NEB: variants seen among roughly 807,000 people sequenced by gnomAD.
The protein encoded by NEB is nebulin, also known as nemaline myopathy type 2.
NEB carries 512 observed loss-of-function variants against 952.2 expected under a neutral mutation model. That is an observed-to-expected ratio of 0.54 (90% CI 0.50 to 0.58). The LOEUF (loss-of-function observed/expected upper bound fraction) is 0.58, where lower values mean the gene tolerates loss of function less well. Among genes scored for constraint, NEB ranks in the 20% least tolerant of loss-of-function variants. The pLI is 0.00. For missense variants in NEB, 8,428 were observed against 9,231.1 expected (o/e 0.91, Z 3.56); for synonymous variants, 2,900 against 3,149.8 (o/e 0.92, Z 2.66).
chr2:151,727,193 G>A (rs1409313490), intron 5 of NEB, among the ~76,000 whole-genome samples: 1 of 152,164 alleles, frequency 6.6e-6, no homozygotes, highest in Non-Finnish European at 1.5e-5. Flanking sequence ...TTAAGGTATA[G>A]CCAAACATTC....
intron 35 of NEB, 137 bp from the exon 36 acceptor site, chr2:151,674,721 T>C: frequency 1.5e-6 from 1 of 649,512 alleles, no homozygotes; most frequent in Non-Finnish European, 2.7e-6. Context: ...ATTGGCAAAG[T>C]GTCACACTGT....
intron 169 of NEB, 77 bp downstream of exon 169, chr2:151,499,221 T>C (rs2062597087): frequency 2.6e-6 from 2 of 769,448 alleles, no homozygotes; most frequent in Non-Finnish European, 4.1e-6. Flanking sequence ...ATGAGTTGAT[T>C]AGATTTTTAA....
rs1434198576 is a variant in NEB at position 151,497,689 on chromosome 2, T to A, written c.24237A>T (p.Gly8079=). The change falls in exon 171 of 182, where the codon GGA becomes GGT. Residue 8079 remains glycine, a synonymous_variant. Coordinates refer to ENST00000397345, the MANE Select transcript of NEB (RefSeq NM_001164508.2). ...TCTCGGGAGTGACAGGTAAAGGGGT[T>A]CCCTTGCCCATGTTTTCTTTGTATA... The part of the protein sequence containing the change: ...SVLYKENMGK[G]TPLPVTPEME... The A allele has an allele frequency of 6.3e-7, 1 of 1,582,850 alleles. No homozygotes were observed.
intron 106 of NEB, 118 bp downstream of exon 106, chr2:151,576,029 ATTAC>A (rs1201581946): frequency 1.5e-5 from 12 of 778,196 alleles, no homozygotes; most frequent in South Asian, 4.9e-5. Flanking sequence ...ACAATACTGT[ATTAC>A]TTAATAAAAT....
At position 151,690,843 on chromosome 2, in the gene NEB, C is replaced by A. The variant is rs748829230; in HGVS notation, c.2212-18G>T. Reference sequence around the variant, plus strand: ...TAGGTATGCTAGAAAAGAAGATGTTCTTTAATGAAATATCAGTATATTCTT... The same window carrying A: ...TAGGTATGCTAGAAAAGAAGATGTTATTTAATGAAATATCAGTATATTCTT... On this transcript the variant is annotated intron_variant, in intron 23 of 181. Transcript: ENST00000397345. 9 of 1,512,044 alleles carry A rather than the reference C, an allele frequency of 6.0e-6. No individual in the cohort carries two copies. The African/African-American group carries it at 9.7e-5, about 16-fold the overall frequency. The allele number at this position is 1,512,044 out of a possible 1,614,324, so 93.7% of individuals were successfully genotyped here.
intron 105 of NEB, among the ~76,000 whole-genome samples, chr2:151,577,195 G>A (rs1024016641): frequency 3.9e-5 from 6 of 152,038 alleles, no homozygotes; most frequent in African/African-American, 7.2e-5. Flanking sequence ...GCTTCCCATC[G>A]GTCATAGGAT....
intron 55 of NEB, among the ~76,000 whole-genome samples, chr2:151,645,267 T>A (rs1358142624): frequency 6.6e-6 from 1 of 152,228 alleles, no homozygotes; most frequent in Non-Finnish European, 1.5e-5. Context: ...CATCTAATTC[T>A]TCTAATGGGG....
chr2:151,723,760 T>G (rs962170758), intron 8 of NEB, among the ~76,000 whole-genome samples: 5 of 148,502 alleles, frequency 3.4e-5, no homozygotes, highest in African/African-American at 9.9e-5. Context: ...GTTTTTTTTT[T>G]TTTTTTTTTT....
chr2:151,731,071 A>G (rs2099806669), intron 3 of NEB, among the ~76,000 whole-genome samples: 1 of 152,202 alleles, frequency 6.6e-6, no homozygotes, highest in Non-Finnish European at 1.5e-5. Context: ...CACACAAAAC[A>G]TCAGTGGCTT....
intron 54 of NEB, among the ~76,000 whole-genome samples, chr2:151,647,255 C>T (rs2098972415): frequency 6.6e-6 from 1 of 152,058 alleles, no homozygotes. Context: ...GGATTACAGG[C>T]ACCCACCACA....
chr2:151,540,813 A>G lies in NEB; in HGVS notation c.20683-12T>C. On this transcript the variant is annotated splice_polypyrimidine_tract_variant and intron_variant, in intron 136 of 181. Coordinates refer to ENST00000397345, the MANE Select transcript of NEB (RefSeq NM_001164508.2). The stretch of plus-strand genomic sequence containing the variant: ...TCAACATACAGATACTGAATAATAG[A>G]AGAAAGTGAGGTGTCATAGAGATAA... 6.3e-7 allele frequency: 1 copy of G among 1,593,338 alleles called. No individual in the cohort carries two copies. Among genetic ancestry groups the G allele is most frequent in the Non-Finnish European group, 8.6e-7 (1 of 1,161,334 alleles).
At chr2:151,686,020 G>A (rs950122995) in intron 27 of NEB, among the ~76,000 whole-genome samples, 5 of 152,028 alleles carry the variant, frequency 3.3e-5, no homozygotes, top group Non-Finnish European at 5.9e-5. Flanking sequence ...TTGAGACCCT[G>A]GTTTATAAAA....
intron 40 of NEB, among the ~76,000 whole-genome samples, chr2:151,667,251 G>A (rs1317381859): frequency 1.3e-5 from 2 of 151,640 alleles, no homozygotes; most frequent in Admixed American, 1.3e-4. Flanking sequence ...TTCTAATTTA[G>A]TGATATTTTA....
intron 137 of NEB, 93 bp from the exon 138 acceptor site, chr2:151,540,541 G>A: frequency 8.8e-7 from 1 of 1,133,942 alleles, no homozygotes; most frequent in Non-Finnish European, 1.3e-6. Context: ...GGCACAATGT[G>A]TTACACACTT....
chr2:151,693,260 T>G (rs963779068), intron 20 of NEB, among the ~76,000 whole-genome samples: 2 of 152,212 alleles, frequency 1.3e-5, no homozygotes, highest in Non-Finnish European at 2.9e-5. Context: ...TTTTTTTGTT[T>G]GATTTCCAAC....
At chr2:151,678,241 A>C in intron 32 of NEB, 54 bp from the exon 33 acceptor site, 1 of 1,155,326 alleles carries the variant, frequency 8.7e-7, no homozygotes, top group South Asian at 1.7e-5. Context: ...GGGCTTTACT[A>C]AACAATGAGG....
Position 151,546,034 on chromosome 2 carries a change from A to T in NEB, c.20467-36T>A, listed in dbSNP as rs757263577. On this transcript the variant is annotated intron_variant, in intron 134 of 181. Coordinates refer to ENST00000397345, the MANE Select transcript of NEB (RefSeq NM_001164508.2). The stretch of plus-strand genomic sequence containing the variant: ...AAAAAAAAAACAGAAATACAAGTTG[A>T]TTAATCATTTAAGGGATTCATGTCA... 14 of 1,251,558 alleles carry T rather than the reference A, an allele frequency of 1.1e-5. No individual in the cohort carries two copies. The South Asian group carries it at 1.4e-4, about 13-fold the overall frequency. The allele number at this position is 1,251,558 out of a possible 1,614,324, so 77.5% of individuals were successfully genotyped here.
In NEB at chr2:151,687,979, C is replaced by T. The variant is rs116777627; in HGVS notation, c.2416-246G>A. On this transcript the variant is annotated intron_variant, in intron 25 of 181. Coordinates refer to ENST00000397345, the MANE Select transcript of NEB (RefSeq NM_001164508.2). ...CTAAGCACTCTGCTGTCCTGATTTACATAAGGATGCTATAAAGTGACACTC... is the reference window on the plus strand; with the variant it reads ...CTAAGCACTCTGCTGTCCTGATTTATATAAGGATGCTATAAAGTGACACTC... Among the ~76,000 whole-genome samples, 186 of 152,274 alleles carry T rather than the reference C, an allele frequency of 1.2e-3. 1 individual carries two copies. The highest frequency in any genetic ancestry group is 3.9e-3 in the African/African-American group (162 of 41,554).
intron 173 of NEB, 137 bp downstream of exon 173, chr2:151,496,138 GA>G: frequency 2.0e-6 from 2 of 1,005,758 alleles, no homozygotes; most frequent in Non-Finnish European, 3.0e-6. Flanking sequence ...TAGCCCAAAG[GA>G]AAAAAGGGTA....
Sources: allele counts gnomAD v4.1 joint callset (sites outside exome capture counted in the v4.1 genomes callset), GRCh38; gene constraint gnomAD v4.1.1; transcripts MANE v1.5; gene names NCBI Gene and HGNC (gene_info 2026-07-23, HGNC 2026-07-21).